MOV10: variants seen among roughly 807,000 people sequenced by gnomAD.
The protein encoded by MOV10 is RNA helicase MOV-10.
In MOV10, 39 loss-of-function variants were observed where a neutral mutation model predicts 108.4. The ratio of observed to expected loss-of-function variants is 0.36; its 90% CI spans 0.28 to 0.47. The LOEUF (loss-of-function observed/expected upper bound fraction) is 0.47, where lower values mean the gene tolerates loss of function less well. Among genes scored for constraint, MOV10 ranks in the 20% least tolerant of loss-of-function variants. The probability of loss-of-function intolerance (pLI) is 1.00; values close to 1 mark genes in which losing one functional copy is unlikely to be tolerated. For synonymous variants in MOV10, 490 were observed against 523.1 expected, an observed-to-expected ratio of 0.94 and a Z score of 0.86; for missense variants, 952 against 1,297.6, an observed-to-expected ratio of 0.73 and a Z score of 4.09.
At position 112,689,147 on chromosome 1, in the gene MOV10, G is replaced by C. The variant is rs1314384607; in HGVS notation, c.341+9G>C. On this transcript the variant is annotated intron_variant, in intron 3 of 20. Coordinates refer to ENST00000369645, the MANE Select transcript of MOV10 (RefSeq NM_001321324.2). Reference sequence around the variant, plus strand: ...AAGATCTTTTATGACAGGTGTGTGTGTGTTGTATGTTGTGTGTACGGGGAG... The same window carrying C: ...AAGATCTTTTATGACAGGTGTGTGTCTGTTGTATGTTGTGTGTACGGGGAG... 9 of 1,584,692 alleles carry C rather than the reference G, an allele frequency of 5.7e-6. 1 individual carries two copies. In the Admixed American group the frequency reaches 1.5e-4, roughly 26 times the overall value.
chr1:112,688,003 G>A (rs1483981686), intron 2 of MOV10, among the ~76,000 whole-genome samples: 3 of 152,038 alleles, frequency 2.0e-5, no homozygotes, highest in African/African-American at 7.2e-5. Flanking sequence ...TCAGGACTCA[G>A]TTCTTATGCT....
chr1:112,700,107 C>G (rs1674511165), intron 19 of MOV10, 112 bp from the exon 20 acceptor site: 1 of 1,588,310 alleles, frequency 6.3e-7, no homozygotes. Context: ...CACAGCATCA[C>G]TATTGTATTT....
rs1316964095 is a variant in MOV10 at position 112,700,435 on chromosome 1, C to T, written c.2940C>T (p.Tyr980=). The part of the protein sequence containing the change: ...PSTSGPHSHD[Y]LPQEREGEGG... ...TTCCAGGGCCCCACAGCCATGACTA[C>T]CTCCCCCAGGAGCGGGAGGGTGAAG... Residue 980 remains tyrosine, a synonymous_variant, in exon 21 of 21, where the codon TAC becomes TAT. Transcript: ENST00000369645. The T allele has an allele frequency of 1.9e-6, 3 of 1,613,692 alleles. No homozygotes were observed. The highest frequency in any genetic ancestry group is 2.5e-6 in the Non-Finnish European group (3 of 1,179,810).
At position 112,699,826 on chromosome 1, in the gene MOV10, G is replaced by A. The variant is rs902981367; in HGVS notation, c.2709+16G>A. 13 of 1,614,092 alleles carry A rather than the reference G, an allele frequency of 8.1e-6. No homozygotes were observed. The highest frequency in any genetic ancestry group is 1.6e-4 in the Middle Eastern group (1 of 6,062). On this transcript the variant is annotated intron_variant, in intron 18 of 20. Transcript: ENST00000369645. ...GAACCCCAAGGTTTGAGGGCTGGTC[G>A]GGGTGGCAGGAATTCTTCCATTCTC...
In MOV10 at chr1:112,674,982, C is replaced by T; in HGVS notation, c.70C>T (p.Arg24Trp). 6.3e-7 allele frequency: 1 copy of T among 1,581,808 alleles called. No homozygotes were observed. The change falls in exon 2 of 21, where the codon CGG (arginine) becomes TGG (tryptophan). Residue 24 changes from arginine to tryptophan, a missense_variant. By Grantham distance (101) the Arg-to-Trp change is moderately radical (BLOSUM62 -3). Around this residue, in one of 5 missense-constraint regions of MOV10, gnomAD observed 374 missense variants for 468.6 expected, o/e 0.80. Coordinates refer to ENST00000369645, the MANE Select transcript of MOV10 (RefSeq NM_001321324.2). ...GTGTTTCGAGAGTTTCCTGGTCGTT[C>T]GGGGACTGGACATGGAGACAGATCG... ...GQCFESFLVV[R>W]GLDMETDRER...
chr1:112,698,699 T>C lies in MOV10; in HGVS notation c.2509-16T>C. The C allele has an allele frequency of 6.2e-7, 1 of 1,613,140 alleles. No homozygotes were observed. The highest frequency in any genetic ancestry group is 8.5e-7 in the Non-Finnish European group (1 of 1,179,024). ...GTTAATGGCACGAGAGAAAGGCACC[T>C]GTCCCCTCCTTCCAGGTGGAGAAAA... On this transcript the variant is annotated splice_polypyrimidine_tract_variant and intron_variant, in intron 16 of 20. Coordinates refer to ENST00000369645, the MANE Select transcript of MOV10 (RefSeq NM_001321324.2).
At chr1:112,680,421 C>T (rs1290020845) in intron 2 of MOV10, among the ~76,000 whole-genome samples, 2 of 151,914 alleles carry the variant, frequency 1.3e-5, no homozygotes, top group Non-Finnish European at 1.5e-5. Context: ...CTTTGGGAGG[C>T]AGAGGTGGGC....
At chr1:112,699,653 C>A (rs763766293) in intron 17 of MOV10, 32 bp from the exon 18 acceptor site, 2 of 1,613,796 alleles carry the variant, frequency 1.2e-6, no homozygotes, top group Non-Finnish European at 1.7e-6. Context: ...ACACCCCTGG[C>A]TGGTCTCAGG....
chr1:112,695,433 C>G lies in MOV10; in HGVS notation c.1638C>G (p.Pro546=). The change falls in exon 11 of 21, where the codon CCC becomes CCG. Residue 546 remains proline, a synonymous_variant. Coordinates refer to ENST00000369645, the MANE Select transcript of MOV10 (RefSeq NM_001321324.2). ...EAIKQVVKHL[P]KAHILACAPS... is the part of the protein sequence containing the mutation. ...CATCTCAGGTGGTGAAGCACTTGCC[C>G]AAAGCCCACATCTTGGCCTGCGCTC... 2 of 1,614,108 alleles carry G rather than the reference C, an allele frequency of 1.2e-6. No homozygotes were observed. The highest frequency in any genetic ancestry group is 2.2e-5 in the South Asian group (2 of 91,076).
In MOV10 at chr1:112,694,464, G is replaced by A. The variant is rs748592404; in HGVS notation, c.1307G>A (p.Arg436His). The change falls in exon 9 of 21, where the codon CGC becomes CAC. Residue 436 changes from arginine (R) to histidine (H), a missense_variant. Arg to His is a conservative substitution (Grantham distance 29). Coordinates refer to ENST00000369645, the MANE Select transcript of MOV10 (RefSeq NM_001321324.2). The surrounding 1 kb of genome is among the most constrained non-coding windows in gnomAD (Gnocchi z 4.1). ...KLSFSMSLLS[R>H]FVDGLTFKVN... The stretch of plus-strand genomic sequence containing the variant: ...CTCTCTGCCCAAAGCCTCCTGAGCC[G>A]CTTTGTGGATGGGCTGACCTTCAAG... The A allele has an allele frequency of 5.6e-6, 9 of 1,613,996 alleles. No individual in the cohort carries two copies. Among genetic ancestry groups the A allele is most frequent in the African/African-American group, 2.7e-5 (2 of 75,034 alleles).
rs1217741280 is a variant in MOV10, at chr1:112,696,176, G to C, written c.1808G>C (p.Gly603Ala). 3 of 1,613,914 alleles carry C rather than the reference G, an allele frequency of 1.9e-6. No homozygotes were observed. The highest frequency in any genetic ancestry group is 2.5e-6 in the Non-Finnish European group (3 of 1,179,936). The change falls in exon 12 of 21, where the codon GGG (glycine) becomes GCG (alanine). Residue 603 changes from glycine (G) to alanine (A), a missense_variant. By Grantham distance (60) the Gly-to-Ala change is moderately conservative (BLOSUM62 0). Around this residue, in one of 5 missense-constraint regions of MOV10, gnomAD observed 453 missense variants for 611.5 expected, o/e 0.74. Transcript: ENST00000369645. ...TGCTGCAACTGGGACGCAAAGAAGG[G>C]GGAGTATGTATTTCCCGCCAAGAAG... ...KPCCNWDAKK[G>A]EYVFPAKKKL...
At chr1:112,683,316 G>A (rs1378630246) in intron 2 of MOV10, among the ~76,000 whole-genome samples, 2 of 152,132 alleles carry the variant, frequency 1.3e-5, no homozygotes, top group Non-Finnish European at 2.9e-5. Context: ...ATAGGCATAT[G>A]TTTAGTTTTA....
chr1:112,691,136 C>T (rs1673545299), intron 5 of MOV10, among the ~76,000 whole-genome samples: 1 of 152,046 alleles, frequency 6.6e-6, no homozygotes, highest in African/African-American at 2.4e-5. Context: ...AAAAAATTAG[C>T]CGGGTGTGGT....
intron 6 of MOV10, among the ~76,000 whole-genome samples, 200 bp from the exon 7 acceptor site, chr1:112,692,561 G>A (rs983675066): frequency 7.2e-5 from 11 of 152,188 alleles, no homozygotes; most frequent in African/African-American, 2.7e-4. Context: ...GGGGGCAGGG[G>A]CATCCAAGGA....
rs772510801 is a variant in MOV10 at position 112,689,054 on chromosome 1, G to A, written c.257G>A (p.Arg86Gln). The A allele has an allele frequency of 5.3e-5, 86 of 1,612,458 alleles. No individual in the cohort carries two copies. The highest frequency in any genetic ancestry group is 6.9e-5 in the Non-Finnish European group (81 of 1,180,036). The change falls in exon 3 of 21, where the codon CGG becomes CAG. Residue 86 changes from arginine (R) to glutamine (Q), a missense_variant. By Grantham distance (43) the Arg-to-Gln change is conservative (BLOSUM62 1). This residue lies in a region of MOV10 where 374 missense variants were observed against 468.6 expected (regional missense o/e 0.80). Coordinates refer to ENST00000369645, the MANE Select transcript of MOV10 (RefSeq NM_001321324.2). ...AGACTCGACCGCTGGGCCGACGTGC[G>A]GTTCCCAGAAAAGAGGAGAATGAAG... Reference protein sequence around the residue: ...FFRLDRWADVRFPEKRRMKLG... With the variant: ...FFRLDRWADVQFPEKRRMKLG...
chr1:112,683,403 T>G (rs1043142563), intron 2 of MOV10, among the ~76,000 whole-genome samples: 1 of 152,182 alleles, frequency 6.6e-6, no homozygotes, highest in East Asian at 1.9e-4. Context: ...GAGTTTGGGT[T>G]GTTGTATTTT....
chr1:112,699,732 C>T lies in MOV10; in HGVS notation c.2631C>T (p.Leu877=). ...AAGGCCAAGAACGAAGCGTCATCCT[C>T]ATCTCCACCGTGCGAAGCAGCCAGA... is the stretch of plus-strand genomic sequence containing the variant. ...EFQGQERSVI[L]ISTVRSSQSF... Residue 877 remains leucine, a synonymous_variant, in exon 18 of 21, where the codon CTC becomes CTT. Transcript: ENST00000369645. The T allele has an allele frequency of 6.2e-7, 1 of 1,614,222 alleles. No homozygotes were observed. The highest frequency in any genetic ancestry group is 8.5e-7 in the Non-Finnish European group (1 of 1,180,034).
chr1:112,690,683 C>T (rs1481469689), intron 5 of MOV10, among the ~76,000 whole-genome samples: 2 of 152,134 alleles, frequency 1.3e-5, no homozygotes, highest in Non-Finnish European at 2.9e-5. Flanking sequence ...TTTTAAACAG[C>T]TGTATTGAGA....
intron 2 of MOV10, chr1:112,688,415 A>G: frequency 1.0e-6 from 1 of 996,426 alleles, no homozygotes; most frequent in Non-Finnish European, 1.2e-6. Context: ...TCGGGTGGAA[A>G]CTGCTGTCTG....
Sources: allele counts gnomAD v4.1 joint callset (sites outside exome capture counted in the v4.1 genomes callset), GRCh38; gene constraint gnomAD v4.1.1; regional missense constraint gnomAD v4.1.1; non-coding constraint Gnocchi (gnomAD v3.1); transcripts MANE v1.5; gene names NCBI Gene and HGNC (gene_info 2026-07-23, HGNC 2026-07-21).